The following GARIN1A variants were observed in gnomAD, a reference collection of about 807,000 sequenced individuals.
GARIN1A encodes the protein Golgi-associated RAB2 interactor protein 1A.
chr7:128,682,924 A>G, the GARIN1A span: 4 of 1,448,722 alleles, frequency 2.8e-6, no homozygotes, highest in African/African-American at 1.4e-5. Context: ...TTTTTCTTCT[A>G]TTGCTTTCAA....
the GARIN1A span, among the ~76,000 whole-genome samples, chr7:128,688,703 A>C: frequency 4.8e-5 from 7 of 145,968 alleles, no homozygotes; most frequent in Non-Finnish European, 1.0e-4. Flanking sequence ...TACCATTCCT[A>C]CTCCTCTCTG....
the GARIN1A span, among the ~76,000 whole-genome samples, chr7:128,680,786 C>T: frequency 6.0e-4 from 91 of 152,170 alleles, no homozygotes; most frequent in East Asian, 1.5e-3. Flanking sequence ...AGGCTGGTCT[C>T]GAACTCCTGA....
the GARIN1A span, chr7:128,680,275 T>C: frequency 2.1e-6 from 1 of 487,200 alleles, no homozygotes; most frequent in Admixed American, 4.2e-5. Flanking sequence ...TGGCTTTTTC[T>C]GTCAATTTTA....
At chr7:128,689,601 C>T in the GARIN1A span, among the ~76,000 whole-genome samples, 1 of 149,328 alleles carries the variant, frequency 6.7e-6, no homozygotes, top group African/African-American at 2.5e-5. Flanking sequence ...GCCCGGCAGC[C>T]GCCCCGTCTG....
the GARIN1A span, chr7:128,677,754 A>G: frequency 3.0e-5 from 48 of 1,613,916 alleles, no homozygotes; most frequent in South Asian, 5.1e-4. Flanking sequence ...CAAAGACCCG[A>G]GAATCAAATT....
chr7:128,708,636 T>C, the GARIN1A span, among the ~76,000 whole-genome samples: 4 of 152,332 alleles, frequency 2.6e-5, no homozygotes, highest in South Asian at 8.3e-4. Flanking sequence ...GAGGGAGTAA[T>C]TTGTGAGAAC....
the GARIN1A span, among the ~76,000 whole-genome samples, chr7:128,708,592 C>G: frequency 6.6e-6 from 1 of 152,006 alleles, no homozygotes; most frequent in Non-Finnish European, 1.5e-5. Context: ...ATTTCTCACT[C>G]CCTCAGACTG....
the GARIN1A span, among the ~76,000 whole-genome samples, chr7:128,681,763 A>G: frequency 1.3e-5 from 2 of 151,832 alleles, no homozygotes; most frequent in African/African-American, 4.8e-5. Context: ...TTGACCTCCT[A>G]AAGTGCTGGG....
chr7:128,708,283 T>C, the GARIN1A span, among the ~76,000 whole-genome samples: 2 of 151,846 alleles, frequency 1.3e-5, no homozygotes, highest in Non-Finnish European at 2.9e-5. Context: ...CACCTCGGCC[T>C]CTGAAAGTGT....
the GARIN1A span, among the ~76,000 whole-genome samples, chr7:128,681,100 C>T: frequency 6.6e-6 from 1 of 152,192 alleles, no homozygotes; most frequent in East Asian, 1.9e-4. Context: ...TTTCCTCTTG[C>T]CCCTGGATAA....
chr7:128,690,442 C>T, the GARIN1A span: 4 of 152,294 alleles, frequency 2.6e-5, no homozygotes, highest in Admixed American at 2.6e-4. Flanking sequence ...AACGGTCAAT[C>T]CACTCTAACA....
chr7:128,696,934 C>T, the GARIN1A span, among the ~76,000 whole-genome samples: 1 of 152,134 alleles, frequency 6.6e-6, no homozygotes, highest in South Asian at 2.1e-4. Flanking sequence ...ACCCACTCAC[C>T]CAATTTTAAT....
At chr7:128,677,744 C>A in the GARIN1A span, 1 of 1,613,814 alleles carries the variant, frequency 6.2e-7, no homozygotes, top group Middle Eastern at 1.7e-4. Context: ...CCATCACCAC[C>A]AAAGACCCGA....
the GARIN1A span, among the ~76,000 whole-genome samples, chr7:128,679,541 C>T: frequency 1.4e-4 from 22 of 152,080 alleles, no homozygotes; most frequent in African/African-American, 5.1e-4. Flanking sequence ...CAAATTTTTA[C>T]AAATATTTCC....
chr7:128,701,008 G>A, the GARIN1A span, among the ~76,000 whole-genome samples: 1 of 152,086 alleles, frequency 6.6e-6, no homozygotes, highest in Admixed American at 6.5e-5. Context: ...CTAAGTCCTG[G>A]TGGAACCAAC....
At chr7:128,699,297 T>C in the GARIN1A span, among the ~76,000 whole-genome samples, 3 of 128,738 alleles carry the variant, frequency 2.3e-5, no homozygotes, top group Non-Finnish European at 4.8e-5. Context: ...ACCAACTTCA[T>C]TGAAACAAGC....
the GARIN1A span, among the ~76,000 whole-genome samples, chr7:128,689,759 G>T: frequency 9.0e-5 from 7 of 77,380 alleles, no homozygotes; most frequent in African/African-American, 2.8e-4. Flanking sequence ...AGCCCCCGCC[G>T]GCCAGCCACC....
the GARIN1A span, among the ~76,000 whole-genome samples, chr7:128,677,393 G>A: frequency 6.6e-6 from 1 of 151,390 alleles, no homozygotes; most frequent in Non-Finnish European, 1.5e-5. Context: ...TGTAGTCCCA[G>A]CTACTCAGGA....
the GARIN1A span, chr7:128,675,573 G>A: frequency 1.5e-4 from 184 of 1,231,360 alleles, no homozygotes; most frequent in African/African-American, 2.6e-3. Context: ...AGCCCAGTGT[G>A]TGCACACCTG....
Sources: allele counts gnomAD v4.1 joint callset (sites outside exome capture counted in the v4.1 genomes callset), GRCh38; gene constraint gnomAD v4.1.1; transcripts MANE v1.5; gene names NCBI Gene and HGNC (gene_info 2026-07-23, HGNC 2026-07-21).